The following TGFA variants were observed in gnomAD, a reference collection of about 807,000 sequenced individuals.
The protein encoded by TGFA is protransforming growth factor alpha.
A neutral mutation model predicts 21.7 loss-of-function variants in TGFA; 12 were observed. The observed-to-expected ratio is 0.55, with a 90% CI of 0.35 to 0.90. TGFA has a LOEUF of 0.90. Among genes scored for constraint, TGFA ranks in the 40% least tolerant of loss-of-function variants. The pLI, the probability that TGFA is intolerant of heterozygous loss-of-function variation, is 0.01. For missense variants in TGFA, 178 were observed against 210.8 expected, an observed-to-expected ratio of 0.84 and a Z score of 0.96; for synonymous variants, 79 against 88.1, an observed-to-expected ratio of 0.90 and a Z score of 0.58.
chr2:70,469,123 C>G (rs1670659281), intron 2 of TGFA, among the ~76,000 whole-genome samples: 1 of 152,098 alleles, frequency 6.6e-6, no homozygotes, highest in African/African-American at 2.4e-5. Flanking sequence ...CTGGGTTCCT[C>G]CAAGTGTGAT....
intron 2 of TGFA, among the ~76,000 whole-genome samples, chr2:70,482,853 A>G (rs1553495949): frequency 6.6e-6 from 1 of 152,218 alleles, no homozygotes; most frequent in African/African-American, 2.4e-5. Context: ...TCAACAGGAA[A>G]GAAGGATAAA....
intron 1 of TGFA, among the ~76,000 whole-genome samples, chr2:70,525,273 C>A (rs1214749844): frequency 6.6e-6 from 1 of 152,126 alleles, no homozygotes; most frequent in Non-Finnish European, 1.5e-5. Flanking sequence ...GGGTTTGGGC[C>A]AATACAAATA....
At chr2:70,509,983 G>A (rs911969337) in intron 2 of TGFA, among the ~76,000 whole-genome samples, 12 of 152,146 alleles carry the variant, frequency 7.9e-5, no homozygotes, top group African/African-American at 2.4e-4. Context: ...TGCCACCCTC[G>A]TCCTGCCTCC....
At chr2:70,494,063 G>A (rs181962245) in intron 2 of TGFA, among the ~76,000 whole-genome samples, 1 of 152,252 alleles carries the variant, frequency 6.6e-6, no homozygotes, top group East Asian at 1.9e-4. Flanking sequence ...GGTTCCCTCT[G>A]GAGATTGTAG....
chr2:70,465,630 G>C lies in TGFA; in HGVS notation c.201C>G (p.Asp67Glu), dbSNP rs782280290. Residue 67 changes from aspartate (D) to glutamate (E), a missense_variant, in exon 3 of 6, where the codon GAC becomes GAG. By Grantham distance (45) the Asp-to-Glu change is conservative. Coordinates refer to ENST00000295400, the MANE Select transcript of TGFA (RefSeq NM_003236.4). ...GGGATACTTACACACATGCTGGCTT[G>C]TCCTCCTGCACCAAAAACCTGCAGG... ...HGTCRFLVQEDKPACVCHSGY... is the reference protein window; with the variant it reads ...HGTCRFLVQEEKPACVCHSGY... 6.2e-7 allele frequency: 1 copy of C among 1,614,124 alleles called. No individual in the cohort carries two copies. The highest frequency in any genetic ancestry group is 8.5e-7 in the Non-Finnish European group (1 of 1,180,014).
intron 2 of TGFA, among the ~76,000 whole-genome samples, chr2:70,469,623 C>T (rs1239720810): frequency 2.0e-5 from 3 of 152,138 alleles, no homozygotes; most frequent in Non-Finnish European, 2.9e-5. Context: ...AGGTGCGAGC[C>T]GCCACGTCTG....
At chr2:70,485,686 G>A (rs1671251029) in intron 2 of TGFA, among the ~76,000 whole-genome samples, 1 of 152,084 alleles carries the variant, frequency 6.6e-6, no homozygotes, top group Admixed American at 6.5e-5. Context: ...TTCAGCTTAG[G>A]GACATACTGA....
At chr2:70,526,177 C>T (rs1156605106) in intron 1 of TGFA, among the ~76,000 whole-genome samples, 1 of 152,184 alleles carries the variant, frequency 6.6e-6, no homozygotes, top group Non-Finnish European at 1.5e-5. Flanking sequence ...GTCAGCTCTT[C>T]CCTCTATTCT....
intron 2 of TGFA, among the ~76,000 whole-genome samples, chr2:70,477,065 A>G (rs191934787): frequency 2.6e-5 from 4 of 152,360 alleles, no homozygotes; most frequent in African/African-American, 7.2e-5. Flanking sequence ...TTAAAACCCC[A>G]TAACACTATA....
At chr2:70,529,588 T>TCCCC (rs149639655) in intron 1 of TGFA, among the ~76,000 whole-genome samples, 6,384 of 144,132 alleles carry the variant, frequency 0.044, 262 homozygotes, top group Middle Eastern at 0.072. Flanking sequence ...GAGGAGTGAA[T>TCCCC]CCCCCCGCCC....
intron 1 of TGFA, among the ~76,000 whole-genome samples, chr2:70,539,932 T>A (rs539516512): frequency 6.6e-6 from 1 of 152,290 alleles, no homozygotes; most frequent in African/African-American, 2.4e-5. Context: ...GTACTCCCAT[T>A]TGAGAAGGGG....
intron 3 of TGFA, among the ~76,000 whole-genome samples, chr2:70,459,085 T>C (rs1553491083): frequency 3.3e-5 from 5 of 152,212 alleles, no homozygotes. Flanking sequence ...TCTCAGCGTA[T>C]AGGAAGGTGA....
intron 1 of TGFA, among the ~76,000 whole-genome samples, chr2:70,545,900 C>T (rs1226352365): frequency 2.0e-5 from 3 of 151,896 alleles, no homozygotes; most frequent in African/African-American, 7.3e-5. Flanking sequence ...TATAAAACTC[C>T]AAGAAAAGGA....
intron 2 of TGFA, among the ~76,000 whole-genome samples, chr2:70,488,341 T>G (rs1447538418): frequency 3.3e-5 from 5 of 152,248 alleles, no homozygotes; most frequent in African/African-American, 1.2e-4. Flanking sequence ...ATTTTATTGC[T>G]TATATTTAAT....
At chr2:70,522,145 C>T (rs1283058773) in intron 1 of TGFA, among the ~76,000 whole-genome samples, 2 of 152,228 alleles carry the variant, frequency 1.3e-5, no homozygotes, top group African/African-American at 4.8e-5. Flanking sequence ...TCTATCCTTA[C>T]ACCTGGCCTA....
At position 70,553,757 on chromosome 2, in the gene TGFA, G is replaced by T. The variant is rs199781024; in HGVS notation, c.11C>A (p.Ser4Ter). ...AGCGAACAGGGCGAGCTGTCCAGCC[G>T]AGGGGACCATTTTACGGGCGGGCGG... is the stretch of plus-strand genomic sequence containing the variant. The part of the protein sequence containing the change: MVP[S>*]AGQLALFALG... Residue 4 changes from serine (S) to a stop codon, truncating the protein, a stop_gained, in exon 1 of 6, where the codon TCG becomes TAG. Coordinates refer to ENST00000295400, the MANE Select transcript of TGFA (RefSeq NM_003236.4). LOFTEE classifies it high-confidence loss of function. The T allele has an allele frequency of 7.7e-7, 1 of 1,294,010 alleles. No homozygotes were observed. Among genetic ancestry groups the T allele is most frequent in the Non-Finnish European group, 9.9e-7 (1 of 1,014,070 alleles). 80.2% of individuals were successfully genotyped at this position (1,294,010 alleles called of 1,614,324 possible).
chr2:70,521,609 GTTTGTTTGTTT>G (rs1672464727), intron 1 of TGFA, among the ~76,000 whole-genome samples: 3 of 78,876 alleles, frequency 3.8e-5, no homozygotes, highest in South Asian at 4.8e-4. Flanking sequence ...TTTTGTTGTT[GTTTGTTTGTTT>G]TTTTTTTTTT....
Position 70,553,720 on chromosome 2 carries a change from G to A in TGFA, c.40+8C>T. 7.5e-7 allele frequency: 1 copy of A among 1,331,628 alleles called. No individual in the cohort carries two copies. Among genetic ancestry groups the A allele is most frequent in the South Asian group, 2.2e-5 (1 of 44,644 alleles). 82.5% of individuals were successfully genotyped at this position (1,331,628 alleles called of 1,614,324 possible). On this transcript the variant is annotated splice_region_variant and intron_variant, in intron 1 of 5. Transcript: ENST00000295400. ...CGGCGCAGGGGGCGCCGCAGCCGGC[G>A]TACGTACCCAGAGCGAACAGGGCGA...
intron 5 of TGFA, chr2:70,451,639 A>G (rs1574062675): frequency 1.6e-6 from 1 of 643,102 alleles, no homozygotes; most frequent in Non-Finnish European, 2.8e-6. Context: ...TGTTAGGTTC[A>G]GACAAATGCT....
Sources: allele counts gnomAD v4.1 joint callset (sites outside exome capture counted in the v4.1 genomes callset), GRCh38; gene constraint gnomAD v4.1.1; transcripts MANE v1.5; gene names NCBI Gene and HGNC (gene_info 2026-07-23, HGNC 2026-07-21).